The following PTPRD variants were observed in gnomAD, a reference collection of about 807,000 sequenced individuals.
The protein encoded by PTPRD is receptor-type tyrosine-protein phosphatase delta.
PTPRD carries 34 observed loss-of-function variants against 214.5 expected under a neutral mutation model. The observed-to-expected ratio is 0.16, with a 90% CI of 0.12 to 0.21. PTPRD has a LOEUF of 0.21. Ranked by LOEUF, PTPRD falls within the 10% of genes least tolerant of loss-of-function variation. The pLI, the probability that PTPRD is intolerant of heterozygous loss-of-function variation, is 1.00. For missense variants in PTPRD, 2,545 were observed against 2,398.7 expected, an observed-to-expected ratio of 1.06 and a Z score of -1.27; for synonymous variants, 1,128 against 845.7, an observed-to-expected ratio of 1.33 and a Z score of -5.79.
At chr9:9,421,032 C>A (rs2078621736) in intron 8 of PTPRD, among the ~76,000 whole-genome samples, 1 of 151,850 alleles carries the variant, frequency 6.6e-6, no homozygotes. Context: ...ACAGCTTCTG[C>A]AAACACTTTA....
At chr9:9,223,558 C>G (rs750169208) in intron 9 of PTPRD, among the ~76,000 whole-genome samples, 54 of 152,030 alleles carry the variant, frequency 3.6e-4, no homozygotes, top group Non-Finnish European at 7.1e-4. Flanking sequence ...ACAGCCTATG[C>G]CTAACAAATG....
chr9:9,348,773 G>A (rs2049934845), intron 9 of PTPRD, among the ~76,000 whole-genome samples: 1 of 152,018 alleles, frequency 6.6e-6, no homozygotes, highest in Admixed American at 6.6e-5. Flanking sequence ...GAACATTTGT[G>A]CTATGGAGAT....
intron 8 of PTPRD, among the ~76,000 whole-genome samples, chr9:9,528,197 C>A (rs1226371450): frequency 3.3e-5 from 5 of 152,068 alleles, no homozygotes; most frequent in African/African-American, 1.2e-4. Context: ...AGGGACTCTA[C>A]CAAGCCTTTC....
intron 10 of PTPRD, among the ~76,000 whole-genome samples, chr9:9,139,100 C>G (rs879461761): frequency 1.3e-5 from 2 of 148,438 alleles, no homozygotes; most frequent in Non-Finnish European, 1.5e-5. Context: ...GAGCCCCCCT[C>G]CCCCCCGCCC....
chr9:8,598,407 G>A (rs111948053), intron 14 of PTPRD, among the ~76,000 whole-genome samples: 142 of 152,080 alleles, frequency 9.3e-4, no homozygotes, highest in African/African-American at 3.3e-3. Context: ...GCTGCAGTGA[G>A]CCGAGATCAT....
At chr9:9,785,543 A>G (rs2098916439) in intron 5 of PTPRD, among the ~76,000 whole-genome samples, 1 of 152,092 alleles carries the variant, frequency 6.6e-6, no homozygotes, top group African/African-American at 2.4e-5. Context: ...GCATTCCGCA[A>G]AACAACTAAA....
intron 35 of PTPRD, among the ~76,000 whole-genome samples, chr9:8,420,819 A>T (rs374491362): frequency 1.4e-3 from 132 of 93,902 alleles, no homozygotes; most frequent in African/African-American, 1.9e-3. Context: ...TTTTTTTTTT[A>T]AAAAAAGAAA....
intron 4 of PTPRD, among the ~76,000 whole-genome samples, chr9:10,017,513 T>C (rs1019042477): frequency 2.0e-5 from 3 of 152,234 alleles, no homozygotes; most frequent in Admixed American, 1.3e-4. Flanking sequence ...CTCCACATCT[T>C]AACTATACAG....
intron 3 of PTPRD, among the ~76,000 whole-genome samples, chr9:10,180,203 A>T (rs1438096400): frequency 6.6e-6 from 1 of 152,082 alleles, no homozygotes; most frequent in Non-Finnish European, 1.5e-5. Context: ...TATATATAGG[A>T]TAGACATTTT....
At chr9:9,312,484 G>C (rs777425620) in intron 9 of PTPRD, among the ~76,000 whole-genome samples, 1 of 152,184 alleles carries the variant, frequency 6.6e-6, no homozygotes, top group Non-Finnish European at 1.5e-5. Flanking sequence ...TGGGGCTACT[G>C]TCTGTGTGGA....
At chr9:9,351,412 A>G (rs527342824) in intron 9 of PTPRD, among the ~76,000 whole-genome samples, 1 of 152,178 alleles carries the variant, frequency 6.6e-6, no homozygotes, top group South Asian at 2.1e-4. Context: ...CAGGAAAAGC[A>G]GAAAGTACTT....
intron 9 of PTPRD, among the ~76,000 whole-genome samples, chr9:9,371,730 G>A (rs1268581118): frequency 3.9e-5 from 6 of 152,050 alleles, no homozygotes; most frequent in Non-Finnish European, 8.8e-5. Context: ...GATCTTTCCT[G>A]CTTTCTCTTG....
At chr9:10,167,039 T>C (rs2099163431) in intron 3 of PTPRD, among the ~76,000 whole-genome samples, 1 of 152,116 alleles carries the variant, frequency 6.6e-6, no homozygotes, top group Admixed American at 6.5e-5. Flanking sequence ...TTATTAAGCA[T>C]TCAAAATCAA....
chr9:8,436,704 A>G lies in PTPRD; in HGVS notation c.3989-15T>C, dbSNP rs777862320. 2 of 1,577,252 alleles carry G rather than the reference A, an allele frequency of 1.3e-6. No homozygotes were observed. Among genetic ancestry groups the G allele is most frequent in the South Asian group, 1.1e-5 (1 of 89,926 alleles). ...GCTAGCCATACCTATTGAAAAAAGC[A>G]AAGAAGAAACACATTTGAAAACAAA... On this transcript the variant is annotated splice_polypyrimidine_tract_variant and intron_variant, in intron 34 of 45. Coordinates refer to ENST00000381196, the MANE Select transcript of PTPRD (RefSeq NM_002839.4).
intron 8 of PTPRD, among the ~76,000 whole-genome samples, chr9:9,407,355 G>T (rs1470969753): frequency 2.6e-5 from 4 of 151,598 alleles, no homozygotes; most frequent in African/African-American, 7.2e-5. Flanking sequence ...CATTTAGGTT[G>T]TTTCTACCTA....
intron 6 of PTPRD, among the ~76,000 whole-genome samples, chr9:9,763,668 G>C (rs1428692583): frequency 6.6e-6 from 1 of 151,950 alleles, no homozygotes; most frequent in East Asian, 1.9e-4. Context: ...CAAAGTAAAA[G>C]GGTTCAGCTC....
At chr9:9,626,226 T>C (rs2095421657) in intron 7 of PTPRD, among the ~76,000 whole-genome samples, 1 of 152,222 alleles carries the variant, frequency 6.6e-6, no homozygotes, top group African/African-American at 2.4e-5. Flanking sequence ...TCCTTTCACG[T>C]AACTCAGAAT....
intron 3 of PTPRD, among the ~76,000 whole-genome samples, chr9:10,205,589 T>C (rs955629329): frequency 6.6e-6 from 1 of 151,784 alleles, no homozygotes; most frequent in Non-Finnish European, 1.5e-5. Context: ...ATGTGTTTAG[T>C]AAAGACAGTG....
At chr9:8,460,684 G>A in intron 32 of PTPRD, 113 bp from the exon 33 acceptor site, 3 of 1,047,910 alleles carry the variant, frequency 2.9e-6, no homozygotes, top group Non-Finnish European at 4.1e-6. Flanking sequence ...TGATAAGTGT[G>A]TGATGCAATA....
Sources: gnomAD v4.1 joint callset for allele counts (sites outside exome capture counted in the v4.1 genomes callset) on GRCh38, gnomAD v4.1.1 for gene constraint, MANE v1.5 for transcripts, NCBI Gene and HGNC (gene_info 2026-07-23, HGNC 2026-07-21) for gene names.